The following FBLN2 variants were observed in gnomAD, a reference collection of about 807,000 sequenced individuals.
FBLN2 encodes the protein fibulin 2.
FBLN2 carries 81 observed loss-of-function variants against 123.7 expected under a neutral mutation model. The observed-to-expected ratio is 0.65, with a 90% CI of 0.55 to 0.79. The LOEUF is 0.79. Ranked by LOEUF, FBLN2 falls within the 30% of genes least tolerant of loss-of-function variation. FBLN2 has a pLI of 0.00. For synonymous variants in FBLN2, 699 were observed against 701.4 expected (o/e 1.00, Z 0.05); for missense variants, 1,603 against 1,681.3 (o/e 0.95, Z 0.81).
rs766032426 is a variant in FBLN2, at chr3:13,619,715, T to C, written c.2054-15T>C. 1 of 1,610,132 alleles carries C rather than the reference T, an allele frequency of 6.2e-7. No individual in the cohort carries two copies. Among genetic ancestry groups the C allele is most frequent in the South Asian group, 1.1e-5 (1 of 90,716 alleles). On this transcript the variant is annotated splice_polypyrimidine_tract_variant and intron_variant, in intron 7 of 17. Coordinates refer to ENST00000404922, the MANE Select transcript of FBLN2 (RefSeq NM_001004019.2). ...AGGGCCTGGTGGTCTCTGATTTCTGTGTGGTTTCCTCCAGACAATGGACCC... is the reference window on the plus strand; with the variant it reads ...AGGGCCTGGTGGTCTCTGATTTCTGCGTGGTTTCCTCCAGACAATGGACCC...
chr3:13,626,521 C>T lies in FBLN2; in HGVS notation c.2373C>T (p.His791=). The change falls in exon 10 of 18, where the codon CAC becomes CAT. Residue 791 remains histidine (H), a synonymous_variant. Coordinates refer to ENST00000404922, the MANE Select transcript of FBLN2 (RefSeq NM_001004019.2). Reference sequence around the variant, plus strand: ...GTGTGAACACACTGGGCTCCTTCCACTGCTACAAGGCACTCACCTGTGAGC... The same window carrying T: ...GTGTGAACACACTGGGCTCCTTCCATTGCTACAAGGCACTCACCTGTGAGC... ...EHCVNTLGSF[H]CYKALTCEPG... 6.4e-7 allele frequency: 1 copy of T among 1,561,322 alleles called. No individual in the cohort carries two copies.
At chr3:13,551,031 C>A (rs1487489856) in intron 1 of FBLN2, among the ~76,000 whole-genome samples, 1 of 152,252 alleles carries the variant, frequency 6.6e-6, no homozygotes, top group Admixed American at 6.5e-5. Flanking sequence ...GCTGCCCACC[C>A]CCAACCCAGG....
chr3:13,607,932 G>C, intron 2 of FBLN2, 130 bp from the exon 3 acceptor site: 1 of 663,550 alleles, frequency 1.5e-6, no homozygotes, highest in Non-Finnish European at 2.6e-6. Flanking sequence ...AGCTGTTAGC[G>C]ACCAGCATGC....
At chr3:13,610,608 C>T (rs540218548) in intron 4 of FBLN2, among the ~76,000 whole-genome samples, 7 of 152,178 alleles carry the variant, frequency 4.6e-5, no homozygotes, top group East Asian at 1.9e-4. Flanking sequence ...TCTGTAAAGC[C>T]GTGGGAGGGA....
chr3:13,618,964 A>C lies in FBLN2; in HGVS notation c.2000A>C (p.Gln667Pro). ...QEPALKSEFS[Q>P]VASNTIPLPL... ...CCTGCACTGAAGTCAGAATTTTCCC[A>C]GGTGGCCTCTAACACCATCCCGCTG... The change falls in exon 7 of 18, where the codon CAG (glutamine) becomes CCG (proline). Residue 667 changes from glutamine (Q) to proline (P), a missense_variant. Physicochemically the swap from Gln to Pro is moderately conservative, Grantham distance 76. Coordinates refer to ENST00000404922, the MANE Select transcript of FBLN2 (RefSeq NM_001004019.2). The C allele has an allele frequency of 6.2e-7, 1 of 1,613,328 alleles. No homozygotes were observed. Among genetic ancestry groups the C allele is most frequent in the Non-Finnish European group, 8.5e-7 (1 of 1,179,712 alleles).
At chr3:13,614,252 C>T (rs942259196) in intron 5 of FBLN2, 88 bp downstream of exon 5, 2 of 1,331,386 alleles carry the variant, frequency 1.5e-6, no homozygotes, top group Admixed American at 2.3e-5. Flanking sequence ...TCCATCATCA[C>T]CTGTGGCTTG....
rs755188929 is a variant in FBLN2, at chr3:13,629,994, G to A, written c.2968+49G>A. On this transcript the variant is annotated intron_variant, in intron 14 of 17. Transcript: ENST00000404922. ...CCTATGCCGCCTGGTATCTGTAGTG[G>A]GCAGACCCGCCGTGGAAGGCCCAGA... is the stretch of plus-strand genomic sequence containing the variant. The A allele has an allele frequency of 1.9e-6, 3 of 1,597,928 alleles. No individual in the cohort carries two copies. The South Asian group carries it at 3.4e-5, about 18-fold the overall frequency.
At chr3:13,595,069 T>G (rs1198941062) in intron 2 of FBLN2, among the ~76,000 whole-genome samples, 1 of 152,184 alleles carries the variant, frequency 6.6e-6, no homozygotes. Context: ...TCTGCTGGTC[T>G]GCAAAATGGG....
chr3:13,620,069 G>A (rs544647123), intron 8 of FBLN2, among the ~76,000 whole-genome samples: 232 of 152,202 alleles, frequency 1.5e-3, no homozygotes, highest in African/African-American at 5.3e-3. Context: ...AATGGGGCCC[G>A]GGCTCCTCAC....
chr3:13,609,771 C>T lies in FBLN2; in HGVS notation c.1548+129C>T, dbSNP rs182081681. The T allele has an allele frequency of 7.4e-3, 7,852 of 1,064,072 alleles. 51 individuals carry two copies. The highest frequency in any genetic ancestry group is 0.01 in the Middle Eastern group (35 of 3,360). 65.9% of individuals were successfully genotyped at this position (1,064,072 alleles called of 1,614,324 possible). ...GGGCTCCTCCTGGGAGTGACCCTCA[C>T]GCCTGGGGTGGAAGGACTCTTAATC... On this transcript the variant is annotated intron_variant, in intron 4 of 17. Transcript: ENST00000404922.
At chr3:13,629,633 A>G (rs1451263526) in intron 13 of FBLN2, among the ~76,000 whole-genome samples, 187 bp from the exon 14 acceptor site, 2 of 151,528 alleles carry the variant, frequency 1.3e-5, no homozygotes, top group Admixed American at 6.6e-5. Context: ...CCTTCCTCCA[A>G]TACCCTTGCT....
chr3:13,626,600 C>T, intron 10 of FBLN2, 21 bp downstream of exon 10: 1 of 1,524,850 alleles, frequency 6.6e-7, no homozygotes, highest in Non-Finnish European at 8.9e-7. Flanking sequence ...CCCAGAAGGA[C>T]CAACTGGAGG....
In FBLN2 at chr3:13,638,048, G is replaced by A; in HGVS notation, c.*129G>A. 1.1e-6 allele frequency: 1 copy of A among 884,184 alleles called. No individual in the cohort carries two copies. The highest frequency in any genetic ancestry group is 1.7e-6 in the Non-Finnish European group (1 of 575,548). The allele number at this position is 884,184 out of a possible 1,614,324, so 54.8% of individuals were successfully genotyped here. On this transcript the variant is annotated 3_prime_UTR_variant, in exon 18 of 18. Transcript: ENST00000404922. ...ACTTAATTTTGCTGACTTGACTCCTGTGGCTTCTGGACCCCTCCTCTGCCC... is the reference window on the plus strand; with the variant it reads ...ACTTAATTTTGCTGACTTGACTCCTATGGCTTCTGGACCCCTCCTCTGCCC...
rs533854505 is a variant in FBLN2 at position 13,553,750 on chromosome 3, G to A, written c.-42+4542G>A. Among the ~76,000 whole-genome samples, 3 of 152,368 alleles carry A rather than the reference G, an allele frequency of 2.0e-5. No individual in the cohort carries two copies. The South Asian group carries it at 6.2e-4, about 32-fold the overall frequency. ...AGGGGCTGTATTGTAGGCGGCCAGTGCGTCCCGCCCAGGTCTGTGTGCTGG... is the reference window on the plus strand; with the variant it reads ...AGGGGCTGTATTGTAGGCGGCCAGTACGTCCCGCCCAGGTCTGTGTGCTGG... On this transcript the variant is annotated intron_variant, in intron 1 of 17. Transcript: ENST00000404922.
At chr3:13,575,928 T>C (rs1416896550) in intron 2 of FBLN2, among the ~76,000 whole-genome samples, 1 of 152,140 alleles carries the variant, frequency 6.6e-6, no homozygotes, top group Non-Finnish European at 1.5e-5. Flanking sequence ...CTGCTGAGAA[T>C]AGGGAGATGG....
rs1349115812 is a variant in FBLN2 at position 13,637,809 on chromosome 3, C to A, written c.3586C>A (p.Leu1196Met). The change falls in exon 18 of 18, where the codon CTG becomes ATG. Residue 1196 changes from leucine to methionine, a missense_variant. Transcript: ENST00000404922. The part of the protein sequence containing the change: ...TGVVYLQRAV[L>M]EPRDFALDVE... ...TGTGGTCTACCTGCAGCGGGCCGTG[C>A]TGGAGCCCCGGGACTTTGCCCTGGA... is the stretch of plus-strand genomic sequence containing the variant. The A allele has an allele frequency of 6.2e-7, 1 of 1,613,820 alleles. No individual in the cohort carries two copies. The highest frequency in any genetic ancestry group is 2.2e-5 in the East Asian group (1 of 44,870).
In FBLN2 at chr3:13,571,069, A is replaced by G. The variant is rs1418850568; in HGVS notation, c.714A>G (p.Pro238=). 1 of 1,556,396 alleles carries G rather than the reference A, an allele frequency of 6.4e-7. No homozygotes were observed. The highest frequency in any genetic ancestry group is 1.9e-5 in the Admixed American group (1 of 51,340). Residue 238 remains proline (P), a synonymous_variant, in exon 2 of 18, where the codon CCA becomes CCG. Transcript: ENST00000404922. ...PPAALGGGSQ[P]LSTIQAPPWP... is the part of the protein sequence containing the mutation. ...CTGCTCTGGGAGGTGGGAGTCAGCCACTGTCCACCATCCAGGCACCCCCCT... is the reference window on the plus strand; with the variant it reads ...CTGCTCTGGGAGGTGGGAGTCAGCCGCTGTCCACCATCCAGGCACCCCCCT...
chr3:13,606,363 T>C, intron 2 of FBLN2, among the ~76,000 whole-genome samples: 1 of 152,384 alleles, frequency 6.6e-6, no homozygotes. Flanking sequence ...TTATACATAT[T>C]GGAATTTTGA....
At chr3:13,589,537 G>A (rs1248647974) in intron 2 of FBLN2, among the ~76,000 whole-genome samples, 1 of 152,168 alleles carries the variant, frequency 6.6e-6, no homozygotes, top group African/African-American at 2.4e-5. Context: ...CTATTTGAGG[G>A]GGAAGGGGGC....
Sources: gnomAD v4.1 joint callset for allele counts (sites outside exome capture counted in the v4.1 genomes callset) on GRCh38, gnomAD v4.1.1 for gene constraint, MANE v1.5 for transcripts, NCBI Gene and HGNC (gene_info 2026-07-23, HGNC 2026-07-21) for gene names.